MAP3K12: variants seen among roughly 807,000 people sequenced by gnomAD.
The protein encoded by MAP3K12 is MAPK-upstream kinase.
MAP3K12 carries 14 observed loss-of-function variants against 87.5 expected under a neutral mutation model. The ratio of observed to expected loss-of-function variants is 0.16; its 90% CI spans 0.11 to 0.25. The LOEUF (loss-of-function observed/expected upper bound fraction) is 0.25, where lower values mean the gene tolerates loss of function less well. Ranked by LOEUF, MAP3K12 falls within the 10% of genes least tolerant of loss-of-function variation. The probability of loss-of-function intolerance (pLI) is 1.00; values close to 1 mark genes in which losing one functional copy is unlikely to be tolerated. For synonymous variants in MAP3K12, 469 were observed against 452.5 expected, an observed-to-expected ratio of 1.04 and a Z score of -0.46; for missense variants, 802 against 1,140.4, an observed-to-expected ratio of 0.70 and a Z score of 4.27.
chr12:53,480,390 CAGG>C lies in MAP3K12; in HGVS notation c.*789_*791del, dbSNP rs1451906305. 6.6e-6 allele frequency: 1 copy of C among 152,386 alleles called. No homozygotes were observed. 9.4% of individuals were successfully genotyped at this position (152,386 alleles called of 1,614,324 possible). ...GAGTAGATGCAAAAAAGTGGAGGGG[CAGG>C]AGAACTTCTCCAGACACCTCAGATA... is the stretch of plus-strand genomic sequence containing the variant. On this transcript the variant is annotated 3_prime_UTR_variant, in exon 14 of 14. Transcript: ENST00000547488.
rs534852529 is a variant in MAP3K12 at position 53,495,318 on chromosome 12, G to T, written c.-38+4109C>A. On this transcript the variant is annotated intron_variant, in intron 1 of 13. Coordinates refer to ENST00000547488, the MANE Select transcript of MAP3K12 (RefSeq NM_001193511.2). ...GGAGCCACTGCACTCCAGCCTAGGC[G>T]ACAGAGCAATACTCTGTCTCCAAAA... 9.5e-5 allele frequency among the ~76,000 whole-genome samples: 10 copies of T among 105,384 alleles called. No individual in the cohort carries two copies. In the South Asian group the frequency reaches 1.1e-3, roughly 11 times the overall value. The allele number at this position is 105,384 out of a possible 152,430, so 69.1% of individuals were successfully genotyped here.
chr12:53,483,869 C>G (rs532813439), intron 8 of MAP3K12, 42 bp downstream of exon 8: 1 of 1,611,708 alleles, frequency 6.2e-7, no homozygotes, highest in Non-Finnish European at 8.5e-7. Context: ...GTGCATAGTC[C>G]TTGCTGTTAG....
intron 1 of MAP3K12, among the ~76,000 whole-genome samples, chr12:53,488,695 A>T (rs1045141110): frequency 2.6e-5 from 4 of 151,888 alleles, no homozygotes; most frequent in African/African-American, 9.7e-5. Flanking sequence ...AGCAACCATT[A>T]AAAAACCTGA....
Position 53,483,650 on chromosome 12 carries a change from C to A in MAP3K12, c.1432G>T (p.Ala478Ser). 6.2e-7 allele frequency: 1 copy of A among 1,614,042 alleles called. No individual in the cohort carries two copies. Among genetic ancestry groups the A allele is most frequent in the Middle Eastern group, 1.7e-4 (1 of 6,058 alleles). Residue 478 changes from alanine (A) to serine (S), a missense_variant, in exon 9 of 14, where the codon GCC (alanine) becomes TCC (serine). Physicochemically the swap from Ala to Ser is moderately conservative, Grantham distance 99 (BLOSUM62 1). This residue lies in a region of MAP3K12 where 99 missense variants were observed against 193.4 expected (regional missense o/e 0.51). Transcript: ENST00000547488. Reference sequence around the variant, plus strand: ...TTGAGTTCCAGCTGCAACATGAGGGCATTAAGTTCCATATACAGGTTGTTG... The same window carrying A: ...TTGAGTTCCAGCTGCAACATGAGGGAATTAAGTTCCATATACAGGTTGTTG... ...RANNLYMELN[A>S]LMLQLELKER...
chr12:53,493,004 C>CCCTTCCCGACCT (rs145077069), intron 1 of MAP3K12: 6,423 of 152,288 alleles, frequency 0.042, 308 homozygotes, highest in East Asian at 0.27. Context: ...CGCCCCCTCC[C>CCCTTCCCGACCT]CCTTCCCGAC....
intron 1 of MAP3K12, among the ~76,000 whole-genome samples, chr12:53,495,329 A>G (rs1943521619): frequency 1.0e-5 from 1 of 98,032 alleles, no homozygotes; most frequent in African/African-American, 3.9e-5. Context: ...ACAGAGCAAT[A>G]CTCTGTCTCC....
At chr12:53,492,283 CGGG>C (rs1331715933) in intron 1 of MAP3K12, among the ~76,000 whole-genome samples, 4 of 152,134 alleles carry the variant, frequency 2.6e-5, no homozygotes, top group Admixed American at 6.5e-5. Context: ...ACAATGTAGT[CGGG>C]CGTCTGGCTC....
At chr12:53,493,213 G>C (rs963722891) in intron 1 of MAP3K12, 1 of 152,266 alleles carries the variant, frequency 6.6e-6, no homozygotes, top group African/African-American at 2.4e-5. Flanking sequence ...TGAGCGCGAC[G>C]TGGGGGCGGG....
chr12:53,490,731 G>A (rs1943375461), intron 1 of MAP3K12, among the ~76,000 whole-genome samples: 1 of 150,634 alleles, frequency 6.6e-6, no homozygotes, highest in Non-Finnish European at 1.5e-5. Context: ...GGGCAACAGA[G>A]TGAGACTCCA....
intron 1 of MAP3K12, 61 bp from the exon 2 acceptor site, chr12:53,487,489 CA>C: frequency 6.7e-7 from 1 of 1,491,914 alleles, no homozygotes; most frequent in Non-Finnish European, 9.0e-7. Flanking sequence ...CTGCTCAGGA[CA>C]CTTATCCCAG....
At chr12:53,495,541 CAAAAAAAAAAA>C (rs57850924) in intron 1 of MAP3K12, among the ~76,000 whole-genome samples, 2 of 48,060 alleles carry the variant, frequency 4.2e-5, no homozygotes, top group African/African-American at 1.6e-4. Context: ...GACTCCATCT[CAAAAAAAAAAA>C]AAAAAAAAAA....
At chr12:53,484,772 G>A (rs1943180519) in intron 6 of MAP3K12, 1 of 498,876 alleles carries the variant, frequency 2.0e-6, no homozygotes, top group African/African-American at 1.9e-5. Context: ...CATGCTTGGT[G>A]GTTATGCTGC....
chr12:53,485,564 T>A, intron 4 of MAP3K12, 89 bp from the exon 5 acceptor site: 1 of 1,458,632 alleles, frequency 6.9e-7, no homozygotes, highest in Non-Finnish European at 9.3e-7. Context: ...GTTTTTTTGT[T>A]TGTTTGTTTG....
intron 1 of MAP3K12, among the ~76,000 whole-genome samples, chr12:53,491,750 T>A (rs1943413854): frequency 6.9e-6 from 1 of 145,826 alleles, no homozygotes; most frequent in Non-Finnish European, 1.5e-5. Flanking sequence ...AGGTATTAAA[T>A]AATCTGCCCA....
chr12:53,481,270 T>C lies in MAP3K12; in HGVS notation c.2591A>G (p.Asn864Ser). 1 of 1,554,314 alleles carries C rather than the reference T, an allele frequency of 6.4e-7. No homozygotes were observed. Among genetic ancestry groups the C allele is most frequent in the East Asian group, 2.5e-5 (1 of 40,530 alleles). The change falls in exon 14 of 14, where the codon AAT becomes AGT. Residue 864 changes from asparagine to serine, a missense_variant. Transcript: ENST00000547488. ...QELLRERGPP[N>S]SEDSDCDSTE... ...GCTGTCACAGTCTGAGTCCTCAGAA[T>C]TGGGAGGGCCCTGTGAGAAAGAGTA...
chr12:53,479,672 T>TTTTTTTTTTTTTTTGG lies in MAP3K12; in HGVS notation c.*1509_*1510insCCAAAAAAAAAAAAAA, dbSNP rs1555209672. 7.3e-3 allele frequency: 2,073 copies of TTTTTTTTTTTTTTTGG among 284,746 alleles called. 8 individuals carry two copies. The highest frequency in any genetic ancestry group is 0.022 in the South Asian group (177 of 8,230). The allele number at this position is 284,746 out of a possible 1,614,324, so 17.6% of individuals were successfully genotyped here. A position where few individuals can be genotyped will look rare whatever the true frequency, so the allele number is the denominator to read the frequency against. On this transcript the variant is annotated 3_prime_UTR_variant, in exon 14 of 14. Transcript: ENST00000547488. ...TTTAGTTTTATAAGCTTCTCCCTGG[T>TTTTTTTTTTTTTTTGG]TTTTTTTTTTTGGCTCATGAATTTT...
Position 53,487,427 on chromosome 12 carries a change from C to T in MAP3K12, c.-36G>A, listed in dbSNP as rs767525442. ...CCCTGGTATGATGGTGAACACTGGG[C>T]CCTGTGGGAATGAAGGAAGGAGGGG... On this transcript the variant is annotated splice_region_variant and 5_prime_UTR_variant, in exon 2 of 14. Transcript: ENST00000547488. The T allele has an allele frequency of 5.1e-6, 8 of 1,567,534 alleles. No individual in the cohort carries two copies. The highest frequency in any genetic ancestry group is 6.9e-6 in the Non-Finnish European group (8 of 1,156,930).
chr12:53,494,612 T>G (rs1376439320), intron 1 of MAP3K12, among the ~76,000 whole-genome samples: 1 of 152,216 alleles, frequency 6.6e-6, no homozygotes, highest in Non-Finnish European at 1.5e-5. Context: ...TTTGGTGGTC[T>G]TAGGGGCTCA....
intron 1 of MAP3K12, among the ~76,000 whole-genome samples, chr12:53,494,481 C>T (rs1943496446): frequency 6.6e-6 from 1 of 152,144 alleles, no homozygotes; most frequent in Admixed American, 6.5e-5. Flanking sequence ...AGGAAGTCAC[C>T]CCCCATCTAT....
Sources: allele counts gnomAD v4.1 joint callset (sites outside exome capture counted in the v4.1 genomes callset), GRCh38; gene constraint gnomAD v4.1.1; regional missense constraint gnomAD v4.1.1; transcripts MANE v1.5; gene names NCBI Gene and HGNC (gene_info 2026-07-23, HGNC 2026-07-21).